LGMN: variants seen among roughly 807,000 people sequenced by gnomAD.
LGMN encodes the protein asparaginyl endopeptidase.
LGMN carries 36 observed loss-of-function variants against 56.8 expected under a neutral mutation model. The ratio of observed to expected loss-of-function variants is 0.63; its 90% CI spans 0.49 to 0.84. The LOEUF is 0.84. Ranked by LOEUF, LGMN falls within the 40% of genes least tolerant of loss-of-function variation. The pLI is 0.00. For synonymous variants in LGMN, 199 were observed against 210.1 expected, an observed-to-expected ratio of 0.95 and a Z score of 0.46; for missense variants, 446 against 556.1, an observed-to-expected ratio of 0.80 and a Z score of 1.99.
In LGMN at chr14:92,719,157, T is replaced by TC. The variant is rs1566923596; in HGVS notation, c.139-314_139-313insG. On this transcript the variant is annotated intron_variant, in intron 2 of 13. Transcript: ENST00000334869. ...CCGCCACCGCCACCACCACCGCCAC[T>TC]GCCACCACCACCACCACCACCACCA... is the stretch of plus-strand genomic sequence containing the variant. Among the ~76,000 whole-genome samples, 17 of 39,694 alleles carry TC rather than the reference T, an allele frequency of 4.3e-4. 1 individual carries two copies. Among genetic ancestry groups the TC allele is most frequent in the African/African-American group, 1.4e-3 (16 of 11,660 alleles). 26.0% of individuals were successfully genotyped at this position (39,694 alleles called of 152,430 possible).
At position 92,711,821 on chromosome 14, in the gene LGMN, C is replaced by G. The variant is rs200654289; in HGVS notation, c.729+16G>C. The G allele has an allele frequency of 2.5e-6, 4 of 1,608,296 alleles. No homozygotes were observed. Among genetic ancestry groups the G allele is most frequent in the Non-Finnish European group, 3.4e-6 (4 of 1,174,634 alleles). On this transcript the variant is annotated intron_variant, in intron 9 of 13. Transcript: ENST00000334869. Reference sequence around the variant, plus strand: ...GGTTAAACCCCAGCTGAACAGCCAGCCCCCAAAGGGCTCACCACGTCCGAA... The same window carrying G: ...GGTTAAACCCCAGCTGAACAGCCAGGCCCCAAAGGGCTCACCACGTCCGAA...
intron 2 of LGMN, 176 bp downstream of exon 2, chr14:92,732,473 G>T: frequency 1.5e-6 from 1 of 667,790 alleles, no homozygotes. Context: ...TAATCCTCCT[G>T]GCAACATATG....
chr14:92,739,676 G>A (rs879902635), intron 1 of LGMN, among the ~76,000 whole-genome samples: 2 of 152,166 alleles, frequency 1.3e-5, no homozygotes, highest in Admixed American at 1.3e-4. Flanking sequence ...AGTGGGAGGT[G>A]TCATTTGTAA....
intron 2 of LGMN, among the ~76,000 whole-genome samples, chr14:92,720,571 G>A (rs760900529): frequency 1.3e-5 from 2 of 152,244 alleles, no homozygotes; most frequent in Non-Finnish European, 2.9e-5. Flanking sequence ...GGAGGCTGAG[G>A]TGGGAGAATC....
At chr14:92,716,274 A>T (rs964397357) in intron 4 of LGMN, 53 bp from the exon 5 acceptor site, 4 of 1,320,744 alleles carry the variant, frequency 3.0e-6, no homozygotes, top group African/African-American at 2.9e-5. Flanking sequence ...CAACCCAGAG[A>T]GTTGGCTGAG....
rs182449866 is a variant in LGMN at position 92,745,890 on chromosome 14, C to T, written c.-30+2599G>A. On this transcript the variant is annotated intron_variant, in intron 1 of 13. Transcript: ENST00000334869. ...AGGCTGGAGTGCAGTGGCGCCATCTCGGCTCACTGCAACCTCCGGCTCCCT... is the reference window on the plus strand; with the variant it reads ...AGGCTGGAGTGCAGTGGCGCCATCTTGGCTCACTGCAACCTCCGGCTCCCT... Among the ~76,000 whole-genome samples, 706 of 152,060 alleles carry T rather than the reference C, an allele frequency of 4.6e-3. 4 individuals carry two copies. Among genetic ancestry groups the T allele is most frequent in the African/African-American group, 0.016 (674 of 41,446 alleles).
intron 11 of LGMN, among the ~76,000 whole-genome samples, chr14:92,709,040 T>C (rs777228156): frequency 7.2e-5 from 11 of 152,168 alleles, no homozygotes; most frequent in Non-Finnish European, 1.5e-4. Flanking sequence ...ATAGCAATTC[T>C]GCCAGCTCCA....
At chr14:92,719,199 C>CACATATATAGGT (rs1566923813) in intron 2 of LGMN, among the ~76,000 whole-genome samples, 3 of 138,456 alleles carry the variant, frequency 2.2e-5, no homozygotes, top group African/African-American at 9.0e-5. Flanking sequence ...CCACCGCCAC[C>CACATATATAGGT]AACACCACCA....
chr14:92,729,452 A>C (rs1555399664), intron 2 of LGMN, among the ~76,000 whole-genome samples: 13 of 89,320 alleles, frequency 1.5e-4, no homozygotes, highest in South Asian at 4.1e-4. Flanking sequence ...TCCTGCCCAC[A>C]TCACCTCAGA....
chr14:92,746,546 T>C (rs912133430), intron 1 of LGMN, among the ~76,000 whole-genome samples: 3 of 152,234 alleles, frequency 2.0e-5, no homozygotes, highest in South Asian at 4.1e-4. Context: ...AAAACCCTTG[T>C]AATTCTCCTG....
chr14:92,714,455 C>A lies in LGMN; in HGVS notation c.405-4G>T. On this transcript the variant is annotated splice_region_variant and splice_polypyrimidine_tract_variant and intron_variant, in intron 5 of 13. Coordinates refer to ENST00000334869, the MANE Select transcript of LGMN (RefSeq NM_005606.7). This position sits in a 1 kb window ranked among gnomAD's most constrained non-coding sequence, Gnocchi z 5.1. ...GAACACGTGATCCTGGGGGCCACTG[C>A]CAAGAAGGAATCGGGGGTCAATCAT... 1 of 1,594,218 alleles carries A rather than the reference C, an allele frequency of 6.3e-7. No homozygotes were observed. The highest frequency in any genetic ancestry group is 8.6e-7 in the Non-Finnish European group (1 of 1,163,546).
Position 92,732,703 on chromosome 14 carries a change from C to T in LGMN, c.84G>A (p.Lys28=), listed in dbSNP as rs771444279. 19 of 1,614,080 alleles carry T rather than the reference C, an allele frequency of 1.2e-5. No homozygotes were observed. In the Admixed American group the frequency reaches 3.2e-4, roughly 27 times the overall value. Residue 28 remains lysine (K), a synonymous_variant, in exon 2 of 14, where the codon AAG becomes AAA. Coordinates refer to ENST00000334869, the MANE Select transcript of LGMN (RefSeq NM_005606.7). ...VPIDDPEDGG[K]HWVVIVAGSN... Reference sequence around the variant, plus strand: ...AACCTGCCACGATCACCACCCAGTGCTTGCCTCCATCTTCAGGATCATCTA... The same window carrying T: ...AACCTGCCACGATCACCACCCAGTGTTTGCCTCCATCTTCAGGATCATCTA...
chr14:92,725,287 G>A (rs979371492), intron 2 of LGMN, among the ~76,000 whole-genome samples: 2 of 152,164 alleles, frequency 1.3e-5, no homozygotes, highest in Non-Finnish European at 2.9e-5. Flanking sequence ...AGACACAGTG[G>A]CCTGTAATCT....
intron 11 of LGMN, among the ~76,000 whole-genome samples, chr14:92,709,167 A>G (rs1216918362): frequency 1.3e-5 from 2 of 151,732 alleles, no homozygotes; most frequent in Non-Finnish European, 2.9e-5. Context: ...ATTTTTGTGG[A>G]TTGGATTTTT....
intron 8 of LGMN, 68 bp downstream of exon 8, chr14:92,712,737 T>C (rs781330015): frequency 6.9e-7 from 1 of 1,443,710 alleles, no homozygotes; most frequent in African/African-American, 1.4e-5. Flanking sequence ...AATGCTCAGT[T>C]CCATGTCAGC....
chr14:92,718,957 G>A (rs1890210734), intron 2 of LGMN, 113 bp from the exon 3 acceptor site: 1 of 633,510 alleles, frequency 1.6e-6, no homozygotes, highest in East Asian at 2.7e-5. Context: ...CATCCCGTCG[G>A]TCAGGCATTT....
intron 5 of LGMN, among the ~76,000 whole-genome samples, chr14:92,715,124 G>A (rs558584326): frequency 1.3e-5 from 2 of 150,670 alleles, no homozygotes; most frequent in African/African-American, 2.5e-5. Context: ...TCAGCCTCCC[G>A]AGTAGCTGGG....
chr14:92,711,934 T>C lies in LGMN; in HGVS notation c.632A>G (p.Asn211Ser), dbSNP rs143914416. 1.2e-6 allele frequency: 2 copies of C among 1,613,704 alleles called. No homozygotes were observed. The highest frequency in any genetic ancestry group is 4.5e-5 in the East Asian group (2 of 44,882). The change falls in exon 9 of 14, where the codon AAC becomes AGC. Residue 211 changes from asparagine (N) to serine (S), a missense_variant. Transcript: ENST00000334869. Reference sequence around the variant, plus strand: ...ACAGGCGTAGGACGACTCTCTGGGGTTGGCAGCAGTAGTTGCATAAACTAC... The same window carrying C: ...ACAGGCGTAGGACGACTCTCTGGGGCTGGCAGCAGTAGTTGCATAAACTAC... ...NINVYATTAA[N>S]PRESSYACYY... is the part of the protein sequence containing the mutation.
chr14:92,723,368 T>C (rs139758841), intron 2 of LGMN, among the ~76,000 whole-genome samples: 190 of 152,196 alleles, frequency 1.2e-3, no homozygotes, highest in African/African-American at 4.3e-3. Context: ...CTTAAGTACC[T>C]ACCCAAGAGA....
Sources: gnomAD v4.1 joint callset for allele counts (sites outside exome capture counted in the v4.1 genomes callset) on GRCh38, gnomAD v4.1.1 for gene constraint, Gnocchi (gnomAD v3.1) non-coding constraint, MANE v1.5 for transcripts, NCBI Gene and HGNC (gene_info 2026-07-23, HGNC 2026-07-21) for gene names.